TWSG1: variants seen among roughly 807,000 people sequenced by gnomAD.
TWSG1 encodes the protein twisted gastrulation protein homolog 1.
TWSG1 carries 15 observed loss-of-function variants against 23.0 expected under a neutral mutation model. The observed-to-expected ratio is 0.65, with a 90% CI of 0.44 to 1.00. The LOEUF (loss-of-function observed/expected upper bound fraction) is 1.00, where lower values mean the gene tolerates loss of function less well. Ranked by LOEUF, TWSG1 falls within the 50% of genes least tolerant of loss-of-function variation. TWSG1 has a pLI of 0.00. For missense variants in TWSG1, 242 were observed against 278.7 expected, an observed-to-expected ratio of 0.87 and a Z score of 0.94; for synonymous variants, 86 against 92.8, an observed-to-expected ratio of 0.93 and a Z score of 0.42.
Position 9,337,177 on chromosome 18 carries a change from GTGTT to G in TWSG1, c.-37-6_-37-3del, listed in dbSNP as rs1318503288. Reference sequence around the variant, plus strand: ...TAGCACTTGCCTTTGAATTAAAGTTGTGTTTGTTTGTTTAGTTTCCTGGGAGTTA... The same window carrying G: ...TAGCACTTGCCTTTGAATTAAAGTTGTGTTTGTTTAGTTTCCTGGGAGTTA... On this transcript the variant is annotated splice_polypyrimidine_tract_variant and intron_variant, in intron 1 of 4. Transcript: ENST00000262120. The G allele has an allele frequency of 1.5e-5, 24 of 1,596,406 alleles. No individual in the cohort carries two copies. The highest frequency in any genetic ancestry group is 2.2e-5 in the East Asian group (1 of 44,708).
At chr18:9,367,399 C>A (rs1275987194) in intron 3 of TWSG1, among the ~76,000 whole-genome samples, 1 of 152,146 alleles carries the variant, frequency 6.6e-6, no homozygotes, top group Non-Finnish European at 1.5e-5. Context: ...TCTGTGAGTT[C>A]AACTTTTTTA....
At chr18:9,398,743 G>A (rs1007603344) in intron 4 of TWSG1, among the ~76,000 whole-genome samples, 6 of 152,260 alleles carry the variant, frequency 3.9e-5, no homozygotes, top group Non-Finnish European at 7.4e-5. Context: ...ACAGGCTTGA[G>A]CTACCATGCC....
intron 3 of TWSG1, among the ~76,000 whole-genome samples, chr18:9,368,849 G>C (rs1254523229): frequency 6.6e-6 from 1 of 152,130 alleles, no homozygotes; most frequent in East Asian, 1.9e-4. Flanking sequence ...TCGGGAGGCT[G>C]AGGCAGGAGA....
At chr18:9,347,937 T>C (rs1279113962) in intron 2 of TWSG1, among the ~76,000 whole-genome samples, 1 of 152,238 alleles carries the variant, frequency 6.6e-6, no homozygotes, top group African/African-American at 2.4e-5. Context: ...ACCTGGATTA[T>C]CTCTTTCGAG....
chr18:9,378,879 G>C (rs575144426), intron 3 of TWSG1, among the ~76,000 whole-genome samples: 69 of 150,626 alleles, frequency 4.6e-4, no homozygotes, highest in Non-Finnish European at 2.8e-4. Flanking sequence ...TACTACAGAG[G>C]CTGAGGCTGG....
chr18:9,375,597 A>G (rs1225589786), intron 3 of TWSG1, among the ~76,000 whole-genome samples: 3 of 152,246 alleles, frequency 2.0e-5, no homozygotes, highest in Non-Finnish European at 4.4e-5. Flanking sequence ...ACCTGAAAGA[A>G]TTGACCAAAA....
At chr18:9,363,891 G>A (rs902031324) in intron 3 of TWSG1, among the ~76,000 whole-genome samples, 2 of 152,156 alleles carry the variant, frequency 1.3e-5, no homozygotes, top group Non-Finnish European at 2.9e-5. Flanking sequence ...GCCTCCCAAA[G>A]TGCTGGGATT....
rs1300106256 is a variant in TWSG1, at chr18:9,401,192, CTCCTTTTCT to C, written c.*1673_*1681del. The C allele has an allele frequency of 3.9e-5, 6 of 152,126 alleles. No homozygotes were observed. The highest frequency in any genetic ancestry group is 1.4e-4 in the African/African-American group (6 of 41,416). 9.4% of individuals were successfully genotyped at this position (152,126 alleles called of 1,614,324 possible). A position where few individuals can be genotyped will look rare whatever the true frequency, so the allele number is the denominator to read the frequency against. On this transcript the variant is annotated 3_prime_UTR_variant, in exon 5 of 5. Transcript: ENST00000262120. ...TTTTTTGGTAGGGAAACATTAGGGT[CTCCTTTTCT>C]TCCTTTTACCTAGAATGCCTCATTT... is the stretch of plus-strand genomic sequence containing the variant.
At chr18:9,356,163 T>C (rs2040526115) in intron 2 of TWSG1, among the ~76,000 whole-genome samples, 1 of 152,190 alleles carries the variant, frequency 6.6e-6, no homozygotes, top group South Asian at 2.1e-4. Context: ...TTACCATAGC[T>C]TTTAACGTTG....
At position 9,344,531 on chromosome 18, in the gene TWSG1, A is replaced by ATTTTT. The variant is rs386387024; in HGVS notation, c.123+7190_123+7194dup. 1.6e-3 allele frequency among the ~76,000 whole-genome samples: 161 copies of ATTTTT among 102,054 alleles called. 8 individuals are homozygous for ATTTTT. Among genetic ancestry groups the ATTTTT allele is most frequent in the East Asian group, 4.7e-3 (15 of 3,224 alleles). The allele number at this position is 102,054 out of a possible 152,430, so 67.0% of individuals were successfully genotyped here. The stretch of plus-strand genomic sequence containing the variant: ...TGTGTGTGTGTGTGTGTATGTATGT[A>ATTTTT]TTTTTTTTTTTTTTTGAGAGAGGAT... On this transcript the variant is annotated intron_variant, in intron 2 of 4. Coordinates refer to ENST00000262120, the MANE Select transcript of TWSG1 (RefSeq NM_020648.6).
intron 2 of TWSG1, among the ~76,000 whole-genome samples, chr18:9,348,061 C>G (rs1329164024): frequency 1.3e-5 from 2 of 152,128 alleles, no homozygotes; most frequent in Non-Finnish European, 2.9e-5. Flanking sequence ...TTGGGAGATC[C>G]ATGTATTTAG....
At chr18:9,357,978 G>C (rs1242248762) in intron 2 of TWSG1, among the ~76,000 whole-genome samples, 1 of 152,056 alleles carries the variant, frequency 6.6e-6, no homozygotes, top group Admixed American at 6.6e-5. Flanking sequence ...GAGGACATGG[G>C]GGAATAAAAA....
At chr18:9,336,815 C>A (rs1282157159) in intron 1 of TWSG1, among the ~76,000 whole-genome samples, 1 of 152,120 alleles carries the variant, frequency 6.6e-6, no homozygotes, top group Admixed American at 6.5e-5. Context: ...AGTTCTAGGT[C>A]CTTGAAGATG....
At chr18:9,398,579 T>C (rs1381453995) in intron 4 of TWSG1, among the ~76,000 whole-genome samples, 2 of 152,042 alleles carry the variant, frequency 1.3e-5, no homozygotes, top group East Asian at 1.9e-4. Context: ...TGCCTCAGCC[T>C]CCCGAGTAGC....
At chr18:9,379,786 G>GA (rs1249126604) in intron 3 of TWSG1, among the ~76,000 whole-genome samples, 3 of 152,038 alleles carry the variant, frequency 2.0e-5, no homozygotes, top group African/African-American at 7.2e-5. Context: ...AGACTTGTTT[G>GA]AAAAAAACTT....
chr18:9,339,381 A>G (rs1277990566), intron 2 of TWSG1, among the ~76,000 whole-genome samples: 3 of 152,148 alleles, frequency 2.0e-5, no homozygotes, highest in Admixed American at 6.5e-5. Context: ...CCCAGGCTCC[A>G]GCGATCCTCC....
At chr18:9,358,533 C>G (rs1456824079) in intron 2 of TWSG1, among the ~76,000 whole-genome samples, 1 of 152,100 alleles carries the variant, frequency 6.6e-6, no homozygotes, top group Non-Finnish European at 1.5e-5. Flanking sequence ...TCCAAACTGT[C>G]CAGTGCAGGT....
At position 9,396,665 on chromosome 18, in the gene TWSG1, T is replaced by C. The variant is rs894846414; in HGVS notation, c.490+119T>C. 1.4e-5 allele frequency: 18 copies of C among 1,269,150 alleles called. No homozygotes were observed. In the African/African-American group the frequency reaches 2.6e-4, roughly 18 times the overall value. The allele number at this position is 1,269,150 out of a possible 1,614,324, so 78.6% of individuals were successfully genotyped here. On this transcript the variant is annotated intron_variant, in intron 4 of 4. Coordinates refer to ENST00000262120, the MANE Select transcript of TWSG1 (RefSeq NM_020648.6). Reference sequence around the variant, plus strand: ...GCCTTTTGGTTTTGAATTTGTATCATCTCACATAAATTCTAGACTCAATAA... The same window carrying C: ...GCCTTTTGGTTTTGAATTTGTATCACCTCACATAAATTCTAGACTCAATAA...
intron 3 of TWSG1, among the ~76,000 whole-genome samples, chr18:9,379,437 G>A (rs551454715): frequency 3.3e-5 from 5 of 152,092 alleles, no homozygotes; most frequent in South Asian, 4.2e-4. Context: ...ACCAAAGACC[G>A]TTATGTTCTC....
Sources: allele counts gnomAD v4.1 joint callset (sites outside exome capture counted in the v4.1 genomes callset), GRCh38; gene constraint gnomAD v4.1.1; transcripts MANE v1.5; gene names NCBI Gene and HGNC (gene_info 2026-07-23, HGNC 2026-07-21).